ATP9B: variants seen among roughly 807,000 people sequenced by gnomAD.
The protein encoded by ATP9B is ATPase phospholipid transporting 9B, also known as probable phospholipid-transporting ATPase IIB.
In ATP9B, 110 loss-of-function variants were observed where a neutral mutation model predicts 146.1. That is an observed-to-expected ratio of 0.75 (90% CI 0.65 to 0.88). The LOEUF (loss-of-function observed/expected upper bound fraction) is 0.88. ATP9B is among the 40% of genes least tolerant of loss of function. ATP9B has a pLI of 0.00. For synonymous variants in ATP9B, 604 were observed against 569.7 expected (o/e 1.06, Z -0.86); for missense variants, 1,499 against 1,496.4 (o/e 1.00, Z -0.03).
At chr18:79,312,475 T>C (rs891736107) in intron 15 of ATP9B, among the ~76,000 whole-genome samples, 5 of 152,124 alleles carry the variant, frequency 3.3e-5, no homozygotes, top group Admixed American at 3.3e-4. Context: ...AGACCAGGGG[T>C]CCCCAGCTGC....
intron 5 of ATP9B, among the ~76,000 whole-genome samples, chr18:79,140,497 A>G (rs1031796148): frequency 6.6e-6 from 1 of 152,120 alleles, no homozygotes; most frequent in Non-Finnish European, 1.5e-5. Context: ...GGTTATGGCC[A>G]GGCACGGTGG....
intron 19 of ATP9B, among the ~76,000 whole-genome samples, chr18:79,340,064 G>T (rs1568748927): frequency 6.6e-6 from 1 of 152,172 alleles, no homozygotes; most frequent in East Asian, 1.9e-4. Context: ...TCGAGCCCCA[G>T]AGTTCATGGC....
At chr18:79,275,080 C>T (rs182573639) in intron 12 of ATP9B, among the ~76,000 whole-genome samples, 4 of 152,322 alleles carry the variant, frequency 2.6e-5, no homozygotes, top group African/African-American at 9.6e-5. Context: ...CAGGCTGACA[C>T]TCTTCAAAAC....
intron 6 of ATP9B, chr18:79,146,069 G>A (rs1267707649): frequency 2.6e-5 from 2 of 75,982 alleles, no homozygotes; most frequent in African/African-American, 1.4e-4. Flanking sequence ...TGAAGGTGCG[G>A]GCTGCATGTC....
rs369216444 is a variant in ATP9B, at chr18:79,143,864, G to C, written c.726+4G>C. On this transcript the variant is annotated splice_donor_region_variant and intron_variant, in intron 6 of 29. Transcript: ENST00000426216. The stretch of plus-strand genomic sequence containing the variant: ...AGACCTCATCATAGTGGAAAAGGTT[G>C]ATGATTTTTTAATATATTTTAGACC... 1 of 1,559,406 alleles carries C rather than the reference G, an allele frequency of 6.4e-7. No individual in the cohort carries two copies. The highest frequency in any genetic ancestry group is 8.7e-7 in the Non-Finnish European group (1 of 1,149,342).
At position 79,239,255 on chromosome 18, in the gene ATP9B, C is replaced by T. The variant is rs116249953; in HGVS notation, c.1108-14126C>T. On this transcript the variant is annotated intron_variant, in intron 11 of 29. Transcript: ENST00000426216. This position sits in a 1 kb window ranked among gnomAD's most constrained non-coding sequence, Gnocchi z 5.1. ...TGGTGGACTGTGGACTGTGGACCACCGCGTGTGCCCCTTCAGCCCTCTTAT... is the reference window on the plus strand; with the variant it reads ...TGGTGGACTGTGGACTGTGGACCACTGCGTGTGCCCCTTCAGCCCTCTTAT... 0.016 allele frequency among the ~76,000 whole-genome samples: 2,401 copies of T among 152,276 alleles called. 68 individuals carry two copies. The highest frequency in any genetic ancestry group is 0.054 in the African/African-American group (2,261 of 41,530).
At chr18:79,261,258 C>T (rs2096138013) in intron 12 of ATP9B, among the ~76,000 whole-genome samples, 1 of 152,078 alleles carries the variant, frequency 6.6e-6, no homozygotes, top group African/African-American at 2.4e-5. Flanking sequence ...GCCGTGATGG[C>T]CCCCAGAACA....
intron 12 of ATP9B, among the ~76,000 whole-genome samples, chr18:79,267,095 A>G (rs1056894651): frequency 1.6e-4 from 24 of 152,096 alleles, no homozygotes; most frequent in Admixed American, 1.4e-3. Context: ...TTTTTGACAC[A>G]TTGATTTAGT....
chr18:79,107,349 T>C (rs1463274076), intron 2 of ATP9B, among the ~76,000 whole-genome samples: 1 of 152,220 alleles, frequency 6.6e-6, no homozygotes, highest in African/African-American at 2.4e-5. Flanking sequence ...GTAAGTTTTA[T>C]TTAATTTTAA....
intron 11 of ATP9B, among the ~76,000 whole-genome samples, chr18:79,240,062 T>C (rs1439805718): frequency 1.3e-5 from 2 of 152,190 alleles, no homozygotes; most frequent in African/African-American, 4.8e-5. Context: ...CCCACTTTGG[T>C]AGCACAGGAG....
At chr18:79,354,758 G>A (rs943851427) in intron 25 of ATP9B, among the ~76,000 whole-genome samples, 1 of 152,074 alleles carries the variant, frequency 6.6e-6, no homozygotes, top group African/African-American at 2.4e-5. Context: ...GGAGCTCCCC[G>A]GGTTTTCCAG....
At chr18:79,349,575 G>A (rs1052067304) in intron 25 of ATP9B, among the ~76,000 whole-genome samples, 3 of 152,162 alleles carry the variant, frequency 2.0e-5, no homozygotes, top group Non-Finnish European at 4.4e-5. Flanking sequence ...CGTTTCACTC[G>A]ACAGCTCCCT....
intron 15 of ATP9B, among the ~76,000 whole-genome samples, chr18:79,310,458 A>C (rs2096646368): frequency 6.6e-6 from 1 of 152,260 alleles, no homozygotes; most frequent in East Asian, 1.9e-4. Context: ...TGCTGGCTGC[A>C]GAGCTGACCA....
chr18:79,307,598 C>T (rs1342964865), intron 15 of ATP9B, among the ~76,000 whole-genome samples: 1 of 152,202 alleles, frequency 6.6e-6, no homozygotes, highest in Non-Finnish European at 1.5e-5. Context: ...GCTATGGATT[C>T]CGTGTCCAAA....
intron 5 of ATP9B, among the ~76,000 whole-genome samples, chr18:79,137,839 C>T (rs1005573248): frequency 6.6e-6 from 1 of 152,192 alleles, no homozygotes; most frequent in South Asian, 2.1e-4. Flanking sequence ...CATCCTGGGC[C>T]GTGTGCTCTG....
chr18:79,181,829 C>T (rs751356729), intron 8 of ATP9B, among the ~76,000 whole-genome samples: 7 of 152,100 alleles, frequency 4.6e-5, no homozygotes, highest in Non-Finnish European at 7.3e-5. Flanking sequence ...ACTATTTCAA[C>T]GGTTTGTAAT....
chr18:79,258,781 C>T (rs1345482264), intron 12 of ATP9B, among the ~76,000 whole-genome samples: 1 of 152,242 alleles, frequency 6.6e-6, no homozygotes, highest in Non-Finnish European at 1.5e-5. Flanking sequence ...CCCACTTCAA[C>T]ACAAGGCTCT....
rs1051723930 is a variant in ATP9B at position 79,377,189 on chromosome 18, A to G, written c.3308-58A>G. On this transcript the variant is annotated intron_variant, in intron 29 of 29. Transcript: ENST00000426216. ...CCTGGCCAGGTCTGTGGCTGTGGCCATGAGGGCCCAGGACTTCTTGGTCAG... is the reference window on the plus strand; with the variant it reads ...CCTGGCCAGGTCTGTGGCTGTGGCCGTGAGGGCCCAGGACTTCTTGGTCAG... The G allele has an allele frequency of 2.5e-6, 4 of 1,599,472 alleles. No individual in the cohort carries two copies. The African/African-American group carries it at 4.0e-5, about 16-fold the overall frequency.
chr18:79,232,612 G>A lies in ATP9B; in HGVS notation c.1107+18574G>A, dbSNP rs59666770. ...AGATATGCTAAAAGGTGGGAAATAA[G>A]CAGTCTGAAGAAACAAAGCAAGCAT... On this transcript the variant is annotated intron_variant, in intron 11 of 29. Transcript: ENST00000426216. 7.6e-3 allele frequency among the ~76,000 whole-genome samples: 1,155 copies of A among 152,292 alleles called. 14 individuals carry two copies. Among genetic ancestry groups the A allele is most frequent in the African/African-American group, 0.018 (736 of 41,546 alleles).
Sources: gnomAD v4.1 joint callset for allele counts (sites outside exome capture counted in the v4.1 genomes callset) on GRCh38, gnomAD v4.1.1 for gene constraint, Gnocchi (gnomAD v3.1) non-coding constraint, MANE v1.5 for transcripts, NCBI Gene and HGNC (gene_info 2026-07-23, HGNC 2026-07-21) for gene names.